PREX1: variants seen among roughly 807,000 people sequenced by gnomAD.
PREX1 encodes phosphatidylinositol-3,4,5-trisphosphate dependent Rac exchange factor 1.
Under a neutral mutation model 198.3 loss-of-function variants are expected in PREX1, and 41 were observed. The observed-to-expected ratio is 0.21, with a 90% CI of 0.16 to 0.27. The LOEUF (loss-of-function observed/expected upper bound fraction) is 0.27, where lower values mean the gene tolerates loss of function less well. PREX1 is among the 10% of genes least tolerant of loss of function. PREX1 has a pLI of 1.00. For missense variants in PREX1, 1,620 were observed against 2,200.7 expected, an observed-to-expected ratio of 0.74 and a Z score of 5.28; for synonymous variants, 843 against 887.2, an observed-to-expected ratio of 0.95 and a Z score of 0.89.
intron 10 of PREX1, among the ~76,000 whole-genome samples, chr20:48,687,826 C>G (rs531293712): frequency 2.9e-4 from 44 of 152,300 alleles, no homozygotes; most frequent in Non-Finnish European, 5.4e-4. Flanking sequence ...GCCAGCCTGT[C>G]ACACCTGTGT....
chr20:48,681,892 C>T (rs1465406535), intron 10 of PREX1, among the ~76,000 whole-genome samples: 1 of 151,976 alleles, frequency 6.6e-6, no homozygotes, highest in African/African-American at 2.4e-5. Flanking sequence ...GACAGATGAA[C>T]AGAAGGAATG....
chr20:48,662,180 A>T (rs2089601774), intron 15 of PREX1, among the ~76,000 whole-genome samples: 1 of 152,126 alleles, frequency 6.6e-6, no homozygotes, highest in Admixed American at 6.5e-5. Context: ...AGACACACAA[A>T]TTGCCACTTT....
intron 14 of PREX1, among the ~76,000 whole-genome samples, chr20:48,668,947 G>A (rs904853584): frequency 6.6e-6 from 1 of 152,146 alleles, no homozygotes; most frequent in Non-Finnish European, 1.5e-5. Context: ...CCTCCCCACA[G>A]GGTCTTGGAG....
intron 16 of PREX1, 118 bp downstream of exon 16, chr20:48,659,800 AC>A (rs1260617437): frequency 7.1e-7 from 1 of 1,403,310 alleles, no homozygotes; most frequent in Non-Finnish European, 9.8e-7. Flanking sequence ...CCTAGAATCC[AC>A]CTATTCTGGT....
intron 10 of PREX1, among the ~76,000 whole-genome samples, chr20:48,686,335 C>T (rs1040751840): frequency 1.3e-4 from 20 of 152,176 alleles, no homozygotes; most frequent in African/African-American, 4.3e-4. Context: ...AGAGCAAAGC[C>T]GTGCAGGGAG....
intron 1 of PREX1, among the ~76,000 whole-genome samples, chr20:48,790,165 T>G (rs1473422512): frequency 6.6e-6 from 1 of 152,106 alleles, no homozygotes; most frequent in South Asian, 2.1e-4. Context: ...AATGGGACAA[T>G]AGGAACACTT....
intron 9 of PREX1, among the ~76,000 whole-genome samples, chr20:48,690,411 C>T (rs1241541618): frequency 6.6e-6 from 1 of 152,148 alleles, no homozygotes; most frequent in Non-Finnish European, 1.5e-5. Context: ...CACACCAAAG[C>T]CTCCTTTTCC....
intron 14 of PREX1, among the ~76,000 whole-genome samples, chr20:48,673,816 G>T (rs6095234): frequency 6.6e-6 from 1 of 152,118 alleles, no homozygotes; most frequent in Non-Finnish European, 1.5e-5. Flanking sequence ...AAAGAGATGA[G>T]GAATCATAGT....
At chr20:48,693,783 T>C (rs1020286591) in intron 7 of PREX1, among the ~76,000 whole-genome samples, 5 of 151,870 alleles carry the variant, frequency 3.3e-5, no homozygotes, top group Non-Finnish European at 5.9e-5. Context: ...AATTTTTTTA[T>C]ATTTTTAGTA....
intron 39 of PREX1, among the ~76,000 whole-genome samples, chr20:48,627,281 G>A (rs1335364887): frequency 1.3e-5 from 2 of 151,984 alleles, no homozygotes; most frequent in African/African-American, 2.4e-5. Flanking sequence ...AGAGGGCATG[G>A]GGCTGAGGGC....
chr20:48,826,792 G>C (rs759717894), intron 1 of PREX1, among the ~76,000 whole-genome samples: 5 of 152,218 alleles, frequency 3.3e-5, no homozygotes, highest in Admixed American at 6.5e-5. Flanking sequence ...CCGGGAGGCG[G>C]AGGTTGCAGT....
chr20:48,751,760 C>T (rs1186926082), intron 1 of PREX1, among the ~76,000 whole-genome samples: 3 of 152,194 alleles, frequency 2.0e-5, no homozygotes, highest in East Asian at 3.9e-4. Flanking sequence ...CCTCCAGCCT[C>T]GGAAGCTTTG....
chr20:48,818,956 C>G (rs952388213), intron 1 of PREX1, among the ~76,000 whole-genome samples: 1 of 152,214 alleles, frequency 6.6e-6, no homozygotes, highest in Non-Finnish European at 1.5e-5. Context: ...GCCCTGGTTA[C>G]TTGGTAACCC....
chr20:48,785,309 AG>A (rs1191244222), intron 1 of PREX1, among the ~76,000 whole-genome samples: 1 of 152,224 alleles, frequency 6.6e-6, no homozygotes, highest in Admixed American at 6.5e-5. Context: ...ACAAGCCCAC[AG>A]GAGGTTTACC....
chr20:48,745,960 T>C (rs895479936), intron 2 of PREX1, among the ~76,000 whole-genome samples: 3 of 152,216 alleles, frequency 2.0e-5, no homozygotes, highest in African/African-American at 7.2e-5. Flanking sequence ...TGAGCAATTA[T>C]TATTATTACT....
In PREX1 at chr20:48,629,532, G is replaced by A. The variant is rs34529681; in HGVS notation, c.4683C>T (p.Gly1561=). ...HPKPGAAGSV[G]AGLIPISSEL... The stretch of plus-strand genomic sequence containing the variant: ...CCGAGGAGATGGGGATGAGGCCGGC[G>A]CCCACACTCCCAGCAGCACCAGGCT... Residue 1561 remains glycine (G), a synonymous_variant, in exon 37 of 40, where the codon GGC becomes GGT. Transcript: ENST00000371941. 3.5e-4 allele frequency: 571 copies of A among 1,613,972 alleles called. No individual in the cohort carries two copies. The highest frequency in any genetic ancestry group is 4.7e-4 in the Non-Finnish European group (552 of 1,179,968).
chr20:48,886,841 CA>C, the PREX1 span, among the ~76,000 whole-genome samples: 1 of 152,338 alleles, frequency 6.6e-6, no homozygotes, highest in East Asian at 1.9e-4. Flanking sequence ...TAAAACCAGT[CA>C]ATCTGTTAAC....
chr20:48,695,149 T>C (rs774324415), intron 7 of PREX1, among the ~76,000 whole-genome samples: 1 of 152,198 alleles, frequency 6.6e-6, no homozygotes, highest in African/African-American at 2.4e-5. Flanking sequence ...CACCCCCTTA[T>C]GCCCCTTTCC....
chr20:48,852,786 C>G, the PREX1 span, among the ~76,000 whole-genome samples: 1 of 152,118 alleles, frequency 6.6e-6, no homozygotes, highest in Non-Finnish European at 1.5e-5. Flanking sequence ...GGGGACTAGC[C>G]CAATAAATTA....
Sources: allele counts gnomAD v4.1 joint callset (sites outside exome capture counted in the v4.1 genomes callset), GRCh38; gene constraint gnomAD v4.1.1; transcripts MANE v1.5; gene names NCBI Gene and HGNC (gene_info 2026-07-23, HGNC 2026-07-21).